Variants in FLI1 observed in about 807,000 individuals in gnomAD.
The protein encoded by FLI1 is Fli-1 proto-oncogene, ETS transcription factor.
Under a neutral mutation model 53.1 loss-of-function variants are expected in FLI1, and 13 were observed. The observed-to-expected ratio is 0.24, with a 90% CI of 0.16 to 0.39. The LOEUF is 0.39. Ranked by LOEUF, FLI1 falls within the 10% of genes least tolerant of loss-of-function variation. The probability of loss-of-function intolerance (pLI) is 1.00; values close to 1 mark genes in which losing one functional copy is unlikely to be tolerated. For missense variants in FLI1, 424 were observed against 600.5 expected (o/e 0.71, Z 3.07); for synonymous variants, 244 against 236.7 (o/e 1.03, Z -0.28).
intron 1 of FLI1, among the ~76,000 whole-genome samples, chr11:128,731,487 T>TC (rs1939696262): frequency 6.6e-6 from 1 of 151,226 alleles, no homozygotes; most frequent in South Asian, 2.1e-4. Context: ...CCCTTTTTTT[T>TC]TTCTGTTAAA....
chr11:128,736,690 A>G (rs1169131437), intron 1 of FLI1, among the ~76,000 whole-genome samples: 1 of 152,368 alleles, frequency 6.6e-6, no homozygotes, highest in East Asian at 1.9e-4. Context: ...CTGTATATAT[A>G]ATCAACAGAA....
chr11:128,700,846 C>G (rs1385820297), intron 1 of FLI1, among the ~76,000 whole-genome samples: 1 of 152,130 alleles, frequency 6.6e-6, no homozygotes, highest in Admixed American at 6.5e-5. Flanking sequence ...GTATTCCACC[C>G]TAGATGACAA....
intron 2 of FLI1, chr11:128,764,610 C>T (rs1941257285): frequency 1.3e-6 from 2 of 1,519,728 alleles, no homozygotes; most frequent in Non-Finnish European, 1.8e-6. Flanking sequence ...CCTCGTCCCG[C>T]ACTCCCCCTC....
In FLI1 at chr11:128,734,226, C is replaced by G. The variant is rs150998111; in HGVS notation, c.19-23889C>G. Among the ~76,000 whole-genome samples, 4 of 152,220 alleles carry G rather than the reference C, an allele frequency of 2.6e-5. No individual in the cohort carries two copies. The East Asian group carries it at 5.8e-4, about 22-fold the overall frequency. ...AAAGATGTTTTGCATATTAAACAGC[C>G]CTGCTTTGTCCTCCAATTCAGCCAA... is the stretch of plus-strand genomic sequence containing the variant. On this transcript the variant is annotated intron_variant, in intron 1 of 8. Transcript: ENST00000527786.
intron 1 of FLI1, among the ~76,000 whole-genome samples, chr11:128,727,800 C>A (rs1221665433): frequency 6.6e-6 from 1 of 152,214 alleles, no homozygotes; most frequent in African/African-American, 2.4e-5. Flanking sequence ...TTCCAGCACA[C>A]CACTGCATCC....
At chr11:128,757,022 A>T (rs559125655) in intron 1 of FLI1, among the ~76,000 whole-genome samples, 13 of 151,356 alleles carry the variant, frequency 8.6e-5, no homozygotes, top group Non-Finnish European at 1.8e-4. Context: ...AGCTGGGCAC[A>T]TGCCACCATA....
At chr11:128,697,205 C>T (rs143957425) in intron 1 of FLI1, among the ~76,000 whole-genome samples, 1 of 152,354 alleles carries the variant, frequency 6.6e-6, no homozygotes, top group Admixed American at 6.5e-5. Context: ...GTTTCAAAAA[C>T]TGCATCTTAA....
intron 5 of FLI1, among the ~76,000 whole-genome samples, chr11:128,800,628 C>T (rs998447137): frequency 1.1e-4 from 16 of 151,782 alleles, no homozygotes; most frequent in African/African-American, 2.7e-4. Flanking sequence ...AGAGACTTTG[C>T]GGAAAAAAAT....
chr11:128,694,045 A>G, upstream of FLI1: 1 of 422,194 alleles, frequency 2.4e-6, no homozygotes, highest in East Asian at 3.6e-5. Context: ...AAATTAGCTG[A>G]AAAAAAAGTT....
At chr11:128,771,962 A>G (rs1249730546) in intron 3 of FLI1, among the ~76,000 whole-genome samples, 2 of 152,054 alleles carry the variant, frequency 1.3e-5, no homozygotes, top group East Asian at 3.9e-4. Flanking sequence ...ATGAGTGATA[A>G]AAGAGTTCTG....
At chr11:128,717,700 T>C (rs1256221223) in intron 1 of FLI1, among the ~76,000 whole-genome samples, 1 of 152,164 alleles carries the variant, frequency 6.6e-6, no homozygotes, top group Non-Finnish European at 1.5e-5. Flanking sequence ...CTGCTAAATG[T>C]GTCATGCTAC....
At chr11:128,758,544 G>C (rs191172385) in intron 2 of FLI1, among the ~76,000 whole-genome samples, 1 of 152,190 alleles carries the variant, frequency 6.6e-6, no homozygotes, top group East Asian at 1.9e-4. Context: ...TGGGGCCCAC[G>C]AAGCCCTCAG....
Position 128,809,218 on chromosome 11 carries a change from G to A in FLI1, c.829+14G>A, listed in dbSNP as rs779167813. ...TAGCCAACCCTGGTGAGTTTACCTT[G>A]GCCTGCAAGCCTTTTTTGCCAGAAT... On this transcript the variant is annotated intron_variant, in intron 8 of 8. Coordinates refer to ENST00000527786, the MANE Select transcript of FLI1 (RefSeq NM_002017.5). 6.2e-7 allele frequency: 1 copy of A among 1,612,636 alleles called. No homozygotes were observed. Among genetic ancestry groups the A allele is most frequent in the South Asian group, 1.1e-5 (1 of 91,060 alleles).
At position 128,810,916 on chromosome 11, in the gene FLI1, A is replaced by C; in HGVS notation, c.1287A>C (p.Gly429=). Residue 429 remains glycine (G), a synonymous_variant, in exon 9 of 9, where the codon GGA becomes GGC. Coordinates refer to ENST00000527786, the MANE Select transcript of FLI1 (RefSeq NM_002017.5). The surrounding 1 kb of genome is among the most constrained non-coding windows in gnomAD (Gnocchi z 6.6). Reference sequence around the variant, plus strand: ...AATACTGGACCTCCCCCACGGGGGGAATCTACCCCAACCCCAACGTCCCCC... The same window carrying C: ...AATACTGGACCTCCCCCACGGGGGGCATCTACCCCAACCCCAACGTCCCCC... ...ASQYWTSPTG[G]IYPNPNVPRH... is the part of the protein sequence containing the mutation. 6.2e-7 allele frequency: 1 copy of C among 1,613,776 alleles called. No individual in the cohort carries two copies. The highest frequency in any genetic ancestry group is 8.5e-7 in the Non-Finnish European group (1 of 1,179,802).
At chr11:128,775,258 A>T (rs1198313850) in intron 4 of FLI1, among the ~76,000 whole-genome samples, 2 of 152,140 alleles carry the variant, frequency 1.3e-5, no homozygotes, top group East Asian at 3.9e-4. Context: ...AGTGCTTAGG[A>T]TACAATGTTG....
intron 1 of FLI1, among the ~76,000 whole-genome samples, chr11:128,743,992 AT>A (rs1201328924): frequency 1.3e-5 from 2 of 152,164 alleles, no homozygotes; most frequent in Admixed American, 1.3e-4. Flanking sequence ...GTAGCTGCCA[AT>A]GGAGGGACCA....
At chr11:128,774,874 G>A (rs1941684925) in intron 4 of FLI1, among the ~76,000 whole-genome samples, 1 of 152,188 alleles carries the variant, frequency 6.6e-6, no homozygotes, top group African/African-American at 2.4e-5. Context: ...GCCTGAGAAG[G>A]TGGTCACTGG....
At chr11:128,691,412 G>T (rs549620514), upstream of FLI1, among the ~76,000 whole-genome samples, 11 of 152,314 alleles carry the variant, frequency 7.2e-5, no homozygotes, top group East Asian at 3.9e-4. Context: ...CGAGATTCCC[G>T]CAGGCATCTA....
At chr11:128,709,290 G>C (rs1188189118) in intron 1 of FLI1, among the ~76,000 whole-genome samples, 5 of 152,190 alleles carry the variant, frequency 3.3e-5, no homozygotes, top group Admixed American at 6.5e-5. Flanking sequence ...ACTGCTAGTT[G>C]TTATTATCTT....
Sources: gnomAD v4.1 joint callset for allele counts (sites outside exome capture counted in the v4.1 genomes callset) on GRCh38, gnomAD v4.1.1 for gene constraint, Gnocchi (gnomAD v3.1) non-coding constraint, MANE v1.5 for transcripts, NCBI Gene and HGNC (gene_info 2026-07-23, HGNC 2026-07-21) for gene names.